Variants in TNIK observed in about 807,000 individuals in gnomAD.
TNIK encodes TRAF2 and NCK interacting kinase, also known as TRAF2 and NCK-interacting protein kinase.
Under a neutral mutation model 191.3 loss-of-function variants are expected in TNIK, and 49 were observed. The ratio of observed to expected loss-of-function variants is 0.26; its 90% CI spans 0.20 to 0.32. The LOEUF (loss-of-function observed/expected upper bound fraction) is 0.32, where lower values mean the gene tolerates loss of function less well. Ranked by LOEUF, TNIK falls within the 10% of genes least tolerant of loss-of-function variation. The pLI is 1.00. For synonymous variants in TNIK, 594 were observed against 600.9 expected (o/e 0.99, Z 0.17); for missense variants, 1,155 against 1,702.3 (o/e 0.68, Z 5.66).
chr3:171,194,657 C>G (rs1381241539), intron 4 of TNIK, 22 bp from the exon 5 acceptor site: 1 of 1,609,056 alleles, frequency 6.2e-7, no homozygotes, highest in African/African-American at 1.3e-5. Flanking sequence ...AGCAAACAAG[C>G]CATTATTTTA....
At chr3:171,111,155 C>T (rs970589568) in intron 18 of TNIK, among the ~76,000 whole-genome samples, 56 of 152,330 alleles carry the variant, frequency 3.7e-4, no homozygotes, top group African/African-American at 1.3e-3. Context: ...GGCACAGTGG[C>T]TGTCACCTAT....
At chr3:171,407,059 G>T (rs1355764315) in intron 1 of TNIK, among the ~76,000 whole-genome samples, 1 of 152,204 alleles carries the variant, frequency 6.6e-6, no homozygotes, top group Non-Finnish European at 1.5e-5. Flanking sequence ...GTAATCAGGG[G>T]AGAGAATGGT....
chr3:171,063,818 C>T lies in TNIK; in HGVS notation c.*63G>A. 1.9e-6 allele frequency: 3 copies of T among 1,547,874 alleles called. No homozygotes were observed. Among genetic ancestry groups the T allele is most frequent in the Non-Finnish European group, 2.7e-6 (3 of 1,130,032 alleles). On this transcript the variant is annotated 3_prime_UTR_variant, in exon 33 of 33. Coordinates refer to ENST00000436636, the MANE Select transcript of TNIK (RefSeq NM_015028.4). ...CTGCCTCTAGACTGGCATAAGTCCA[C>T]ATGAGTTATGTTCTTTTAAATTAGA...
At chr3:171,066,425 G>C in intron 31 of TNIK, 99 bp from the exon 32 acceptor site, 2 of 1,558,150 alleles carry the variant, frequency 1.3e-6, no homozygotes, top group Non-Finnish European at 8.7e-7. Flanking sequence ...CAAACGACTT[G>C]AGATAAATGG....
chr3:171,167,305 C>CAAATAGTGCA, intron 9 of TNIK, 35 bp from the exon 10 acceptor site: 2 of 1,596,206 alleles, frequency 1.3e-6, no homozygotes, highest in Non-Finnish European at 1.7e-6. Context: ...ACAGATAAAA[C>CAAATAGTGCA]GGCGATCCAA....
At position 171,071,277 on chromosome 3, in the gene TNIK, A is replaced by G. The variant is rs1719139723; in HGVS notation, c.3495T>C (p.Ala1165=). The G allele has an allele frequency of 6.2e-6, 10 of 1,605,810 alleles. No homozygotes were observed. The highest frequency in any genetic ancestry group is 7.7e-6 in the Non-Finnish European group (9 of 1,176,300). ...IKFLVIALKN[A]VEIYAWAPKP... ...TAGGAGCCCAAGCATATATTTCCAC[A>G]GCATTCTTTAAGGCAATCACCAAAA... The change falls in exon 29 of 33, where the codon GCT becomes GCC. Residue 1165 remains alanine (A), a synonymous_variant. Transcript: ENST00000436636.
chr3:171,440,655 T>C (rs1726683568), intron 1 of TNIK, among the ~76,000 whole-genome samples: 1 of 152,222 alleles, frequency 6.6e-6, no homozygotes, highest in Non-Finnish European at 1.5e-5. Flanking sequence ...CATTAATAAA[T>C]GGATACAAGG....
chr3:171,203,965 T>C (rs1368717639), intron 4 of TNIK, among the ~76,000 whole-genome samples: 1 of 152,240 alleles, frequency 6.6e-6, no homozygotes, highest in African/African-American at 2.4e-5. Context: ...TGTTACGAGA[T>C]ATTCTAGCCC....
rs1407239423 is a variant in TNIK at position 171,211,224 on chromosome 3, G to C, written c.198C>G (p.Ile66Met). 2 of 1,610,188 alleles carry C rather than the reference G, an allele frequency of 1.2e-6. No homozygotes were observed. The highest frequency in any genetic ancestry group is 2.2e-5 in the South Asian group (2 of 90,592). ...TCTTCAACATGTTAATTTCTTGTTTGATTTCTTCCTCTTCATCCTGTATGA... is the reference window on the plus strand; with the variant it reads ...TCTTCAACATGTTAATTTCTTGTTTCATTTCTTCCTCTTCATCCTGTATGA... The part of the protein sequence containing the change: ...MDVTGDEEEE[I>M]KQEINMLKKY... The change falls in exon 4 of 33, where the codon ATC becomes ATG. Residue 66 changes from isoleucine (I) to methionine (M), a missense_variant. Coordinates refer to ENST00000436636, the MANE Select transcript of TNIK (RefSeq NM_015028.4).
At chr3:171,391,873 C>A (rs970736143) in intron 1 of TNIK, among the ~76,000 whole-genome samples, 33 of 152,132 alleles carry the variant, frequency 2.2e-4, no homozygotes, top group African/African-American at 8.0e-4. Context: ...TGCAAACCAA[C>A]CTTCAGTTTC....
intron 13 of TNIK, among the ~76,000 whole-genome samples, chr3:171,140,083 CT>C (rs1186155335): frequency 5.9e-5 from 9 of 152,216 alleles, no homozygotes; most frequent in Non-Finnish European, 8.8e-5. Context: ...AAAAGCTCTT[CT>C]GAAGCAGTGA....
At chr3:171,448,938 T>C (rs1727848560) in intron 1 of TNIK, among the ~76,000 whole-genome samples, 1 of 152,110 alleles carries the variant, frequency 6.6e-6, no homozygotes, top group Non-Finnish European at 1.5e-5. Flanking sequence ...GTGTGTGTTA[T>C]TCCCCTCCCT....
intron 7 of TNIK, among the ~76,000 whole-genome samples, chr3:171,185,267 G>A (rs1182815313): frequency 1.3e-5 from 2 of 150,070 alleles, no homozygotes; most frequent in African/African-American, 4.9e-5. Flanking sequence ...CTATACTGTG[G>A]CATTCAGCCA....
Position 171,159,359 on chromosome 3 carries a change from T to C in TNIK, c.1017-1695A>G, listed in dbSNP as rs1311997695. On this transcript the variant is annotated intron_variant, in intron 11 of 32. Coordinates refer to ENST00000436636, the MANE Select transcript of TNIK (RefSeq NM_015028.4). This position sits in a 1 kb window ranked among gnomAD's most constrained non-coding sequence, Gnocchi z 4.1. Reference sequence around the variant, plus strand: ...AGGAATGCTGAGGGAGGAGCAAGTTTCGTGGCAGTTAACAAGAGGACCAAG... The same window carrying C: ...AGGAATGCTGAGGGAGGAGCAAGTTCCGTGGCAGTTAACAAGAGGACCAAG... Among the ~76,000 whole-genome samples the C allele has an allele frequency of 6.6e-6, 1 of 151,820 alleles. No individual in the cohort carries two copies. Among genetic ancestry groups the C allele is most frequent in the Non-Finnish European group, 1.5e-5 (1 of 67,976 alleles).
chr3:171,340,127 T>G (rs2108397397), intron 2 of TNIK, among the ~76,000 whole-genome samples: 1 of 152,190 alleles, frequency 6.6e-6, no homozygotes, highest in South Asian at 2.1e-4. Flanking sequence ...ATGAAAAAAA[T>G]GCTAATATTT....
At chr3:171,134,443 G>A (rs1201902669) in intron 15 of TNIK, among the ~76,000 whole-genome samples, 1 of 152,180 alleles carries the variant, frequency 6.6e-6, no homozygotes, top group East Asian at 1.9e-4. Flanking sequence ...ACCATGCCCA[G>A]CTAATTTTTA....
At chr3:171,236,553 C>G (rs1491001810) in intron 2 of TNIK, among the ~76,000 whole-genome samples, 1 of 152,186 alleles carries the variant, frequency 6.6e-6, no homozygotes, top group African/African-American at 2.4e-5. Context: ...AAGAGAAAAG[C>G]AAGGTCCAGA....
At chr3:171,194,407 G>C (rs1738412834) in intron 5 of TNIK, 118 bp downstream of exon 5, 2 of 885,518 alleles carry the variant, frequency 2.3e-6, no homozygotes, top group African/African-American at 1.7e-5. Flanking sequence ...ACTTTTAAAG[G>C]GTTTTTGATA....
At chr3:171,273,249 A>T (rs1346867174) in intron 2 of TNIK, among the ~76,000 whole-genome samples, 5 of 152,192 alleles carry the variant, frequency 3.3e-5, no homozygotes, top group Admixed American at 1.3e-4. Flanking sequence ...GACCCACCTG[A>T]TGCCAAGGTG....
Sources: gnomAD v4.1 joint callset for allele counts (sites outside exome capture counted in the v4.1 genomes callset) on GRCh38, gnomAD v4.1.1 for gene constraint, Gnocchi (gnomAD v3.1) non-coding constraint, MANE v1.5 for transcripts, NCBI Gene and HGNC (gene_info 2026-07-23, HGNC 2026-07-21) for gene names.